The following GPR139 variants were observed in gnomAD, a reference collection of about 807,000 sequenced individuals.
The protein encoded by GPR139 is probable G protein-coupled receptor 139.
GPR139 carries 12 observed loss-of-function variants against 25.8 expected under a neutral mutation model. The ratio of observed to expected loss-of-function variants is 0.47; its 90% CI spans 0.30 to 0.75. The LOEUF (loss-of-function observed/expected upper bound fraction) is 0.75, where lower values mean the gene tolerates loss of function less well. Among genes scored for constraint, GPR139 ranks in the 30% least tolerant of loss-of-function variants. GPR139 has a pLI of 0.07. For missense variants in GPR139, 380 were observed against 450.2 expected, an observed-to-expected ratio of 0.84 and a Z score of 1.41; for synonymous variants, 184 against 179.9, an observed-to-expected ratio of 1.02 and a Z score of -0.18.
At position 20,030,916 on chromosome 16, in the gene GPR139, C is replaced by A. The variant is rs1265509454; in HGVS notation, c.*819G>T. Among the ~76,000 whole-genome samples, 1 of 152,210 alleles carries A rather than the reference C, an allele frequency of 6.6e-6. No individual in the cohort carries two copies. Among genetic ancestry groups the A allele is most frequent in the Non-Finnish European group, 1.5e-5 (1 of 68,032 alleles). The stretch of plus-strand genomic sequence containing the variant: ...CAATTTTGAGTAACGGGATCGTATG[C>A]AGCTGACACAGGGATGGGTTGAAAC... On this transcript the variant is annotated 3_prime_UTR_variant, in exon 2 of 2. Coordinates refer to ENST00000570682, the MANE Select transcript of GPR139 (RefSeq NM_001002911.4).
chr16:20,073,790 G>T lies in GPR139; in HGVS notation c.-174C>A. The T allele has an allele frequency of 1.2e-6, 1 of 809,162 alleles. No homozygotes were observed. The highest frequency in any genetic ancestry group is 1.8e-6 in the Non-Finnish European group (1 of 554,144). The allele number at this position is 809,162 out of a possible 1,614,324, so 50.1% of individuals were successfully genotyped here. A position where few individuals can be genotyped will look rare whatever the true frequency, so the allele number is the denominator to read the frequency against. ...GATCCCCTCTGCTCGCTCCGCACCT[G>T]CCCGCCTGGAGTCTTGGCTCAGCCC... is the stretch of plus-strand genomic sequence containing the variant. On this transcript the variant is annotated 5_prime_UTR_variant, in exon 1 of 2. Coordinates refer to ENST00000570682, the MANE Select transcript of GPR139 (RefSeq NM_001002911.4). This position sits in a 1 kb window ranked among gnomAD's most constrained non-coding sequence, Gnocchi z 4.7.
At chr16:20,040,301 G>A (rs946662996) in intron 1 of GPR139, among the ~76,000 whole-genome samples, 1 of 151,698 alleles carries the variant, frequency 6.6e-6, no homozygotes, top group Non-Finnish European at 1.5e-5. Context: ...TAAGTTTTGG[G>A]GTTTGCTATG....
intron 1 of GPR139, among the ~76,000 whole-genome samples, chr16:20,070,382 C>T (rs141443412): frequency 2.6e-5 from 4 of 152,272 alleles, no homozygotes; most frequent in Non-Finnish European, 5.9e-5. Context: ...ATATATACCA[C>T]CTGTGTGGGT....
intron 1 of GPR139, among the ~76,000 whole-genome samples, chr16:20,055,414 T>G (rs888850880): frequency 1.3e-5 from 2 of 152,108 alleles, no homozygotes; most frequent in African/African-American, 4.8e-5. Context: ...GTCTCCTGGG[T>G]CCCCAGACAG....
intron 1 of GPR139, among the ~76,000 whole-genome samples, chr16:20,067,873 T>G (rs958296530): frequency 2.8e-5 from 4 of 141,220 alleles, no homozygotes; most frequent in Non-Finnish European, 6.1e-5. Flanking sequence ...ACCAAGAAAC[T>G]ATGATTCAAA....
chr16:20,058,345 G>C (rs1260827475), intron 1 of GPR139, among the ~76,000 whole-genome samples: 8 of 152,064 alleles, frequency 5.3e-5, no homozygotes, highest in Admixed American at 2.0e-4. Flanking sequence ...GTGTGTGTGT[G>C]TGTGTGTGTG....
At chr16:20,064,186 C>A (rs1468571309) in intron 1 of GPR139, among the ~76,000 whole-genome samples, 1 of 152,198 alleles carries the variant, frequency 6.6e-6, no homozygotes, top group East Asian at 1.9e-4. Context: ...ACACAAACCT[C>A]AACCATATCA....
At chr16:20,061,225 G>GGA (rs60644188) in intron 1 of GPR139, among the ~76,000 whole-genome samples, 11,172 of 135,008 alleles carry the variant, frequency 0.083, 478 homozygotes, top group African/African-American at 0.17. Context: ...ATGGATGGAT[G>GGA]TGTGGATGGA....
intron 1 of GPR139, among the ~76,000 whole-genome samples, chr16:20,054,480 T>G (rs1410348508): frequency 1.3e-5 from 2 of 152,120 alleles, no homozygotes. Context: ...GAAAAGTTAT[T>G]AGAGCCAGCA....
At chr16:20,062,971 T>C (rs2057419163) in intron 1 of GPR139, among the ~76,000 whole-genome samples, 1 of 152,208 alleles carries the variant, frequency 6.6e-6, no homozygotes, top group Non-Finnish European at 1.5e-5. Context: ...TTAGATGTCA[T>C]AAAATGTGTG....
intron 1 of GPR139, among the ~76,000 whole-genome samples, chr16:20,071,980 G>T (rs908860888): frequency 1.3e-5 from 2 of 152,128 alleles, no homozygotes; most frequent in African/African-American, 4.8e-5. Context: ...CACTTTTCCA[G>T]TTCAGCAAGC....
chr16:20,033,323 C>T (rs1189689013), intron 1 of GPR139, among the ~76,000 whole-genome samples: 2 of 151,622 alleles, frequency 1.3e-5, no homozygotes, highest in Non-Finnish European at 2.9e-5. Context: ...CTGAGAGCCT[C>T]ACACAACCAT....
rs960788683 is a variant in GPR139, at chr16:20,028,974, G to GT, written c.*2760dup. ...GCTTACAAGTTTTTAAAGTTTTAAAGTTAAAAAAAACCCATTTCATGATGT... is the reference window on the plus strand; with the variant it reads ...GCTTACAAGTTTTTAAAGTTTTAAAGTTTAAAAAAAACCCATTTCATGATGT... On this transcript the variant is annotated 3_prime_UTR_variant, in exon 2 of 2. Transcript: ENST00000570682. Among the ~76,000 whole-genome samples the GT allele has an allele frequency of 6.6e-5, 10 of 151,870 alleles. No homozygotes were observed.
intron 1 of GPR139, among the ~76,000 whole-genome samples, chr16:20,039,398 T>TTTATAAACTACA (rs1191452159): frequency 6.6e-6 from 1 of 152,254 alleles, no homozygotes; most frequent in Non-Finnish European, 1.5e-5. Flanking sequence ...AGTTTATATC[T>TTTATAAACTACA]TTTAGTTCTG....
rs1001288344 is a variant in GPR139 at position 20,072,963 on chromosome 16, C to T, written c.127+527G>A. ...CTTGCTAGGCATTCTTTCTCCATTC[C>T]AGTGCCCCCCGAGCAAGAGAGTGCT... is the stretch of plus-strand genomic sequence containing the variant. On this transcript the variant is annotated intron_variant, in intron 1 of 1. Transcript: ENST00000570682. Among the ~76,000 whole-genome samples the T allele has an allele frequency of 3.9e-5, 6 of 152,182 alleles. No homozygotes were observed. In the East Asian group the frequency reaches 9.6e-4, roughly 24 times the overall value.
chr16:20,064,754 G>C (rs1596471490), intron 1 of GPR139, among the ~76,000 whole-genome samples: 2 of 152,174 alleles, frequency 1.3e-5, no homozygotes, highest in South Asian at 4.1e-4. Context: ...CCACTTGCCA[G>C]AGCCCCATTA....
chr16:20,067,443 AAATGTGCCT>A (rs2057438864), intron 1 of GPR139, among the ~76,000 whole-genome samples: 6 of 152,226 alleles, frequency 3.9e-5, no homozygotes, highest in Non-Finnish European at 7.3e-5. Flanking sequence ...TCCTATGGTC[AAATGTGCCT>A]AAGGACGAGT....
rs945832213 is a variant in GPR139, at chr16:20,073,086, A to T, written c.127+404T>A. On this transcript the variant is annotated intron_variant, in intron 1 of 1. Coordinates refer to ENST00000570682, the MANE Select transcript of GPR139 (RefSeq NM_001002911.4). The surrounding 1 kb of genome is among the most constrained non-coding windows in gnomAD (Gnocchi z 4.7). ...GTGGACGTGCAGGGGCCACGGGAGA[A>T]GGGAAGCCTCCACGAAGCCTTCTGT... Among the ~76,000 whole-genome samples the T allele has an allele frequency of 2.6e-4, 39 of 152,138 alleles. 1 individual carries two copies. Among genetic ancestry groups the T allele is most frequent in the Admixed American group, 2.4e-3 (37 of 15,266 alleles).
rs2057467162 is a variant in GPR139, at chr16:20,073,317, A to C, written c.127+173T>G. On this transcript the variant is annotated intron_variant, in intron 1 of 1. Transcript: ENST00000570682. This position sits in a 1 kb window ranked among gnomAD's most constrained non-coding sequence, Gnocchi z 4.7. ...ACACACACACACACGGTCCCCAGCT[A>C]GGGCACAGCAACTTCCTTTCCCCCC... 6.6e-6 allele frequency among the ~76,000 whole-genome samples: 1 copy of C among 151,572 alleles called. No homozygotes were observed.
Sources: allele counts gnomAD v4.1 joint callset (sites outside exome capture counted in the v4.1 genomes callset), GRCh38; gene constraint gnomAD v4.1.1; non-coding constraint Gnocchi (gnomAD v3.1); transcripts MANE v1.5; gene names NCBI Gene and HGNC (gene_info 2026-07-23, HGNC 2026-07-21).